CNTNAP4: variants seen among roughly 807,000 people sequenced by gnomAD.
CNTNAP4 encodes contactin associated protein family member 4, also known as contactin-associated protein-like 4.
CNTNAP4 carries 98 observed loss-of-function variants against 148.4 expected under a neutral mutation model. That is an observed-to-expected ratio of 0.66 (90% CI 0.56 to 0.78). CNTNAP4 has a LOEUF of 0.78. Among genes scored for constraint, CNTNAP4 ranks in the 30% least tolerant of loss-of-function variants. The pLI is 0.00. For synonymous variants in CNTNAP4, 730 were observed against 565.1 expected, an observed-to-expected ratio of 1.29 and a Z score of -4.14; for missense variants, 1,935 against 1,565.6, an observed-to-expected ratio of 1.24 and a Z score of -3.98.
chr16:76,364,033 T>C (rs2013777776), intron 3 of CNTNAP4, among the ~76,000 whole-genome samples: 3 of 151,896 alleles, frequency 2.0e-5, no homozygotes, highest in Admixed American at 6.6e-5. Flanking sequence ...GCCCAGGAGT[T>C]TGAGACCACC....
intron 3 of CNTNAP4, among the ~76,000 whole-genome samples, chr16:76,372,506 G>A (rs948316779): frequency 6.6e-6 from 1 of 152,080 alleles, no homozygotes; most frequent in Admixed American, 6.6e-5. Context: ...TGTTGTGGGA[G>A]GGACCCAATG....
intron 17 of CNTNAP4, among the ~76,000 whole-genome samples, chr16:76,530,912 T>A (rs2083954646): frequency 6.6e-6 from 1 of 152,148 alleles, no homozygotes; most frequent in African/African-American, 2.4e-5. Flanking sequence ...ATGCTTGACA[T>A]ATAGAAGACA....
At chr16:76,302,121 A>AGGGAAGGTAC (rs1960032316) in intron 1 of CNTNAP4, among the ~76,000 whole-genome samples, 1 of 152,140 alleles carries the variant, frequency 6.6e-6, no homozygotes, top group Non-Finnish European at 1.5e-5. Context: ...ATAAGTAGCC[A>AGGGAAGGTAC]GGGAAGGTAC....
At chr16:76,278,400 T>A (rs189268778) in intron 1 of CNTNAP4, among the ~76,000 whole-genome samples, 1 of 152,344 alleles carries the variant, frequency 6.6e-6, no homozygotes, top group Non-Finnish European at 1.5e-5. Context: ...CTTTCAAAAG[T>A]AGGATTCCTT....
chr16:76,425,309 A>G (rs374334185), intron 3 of CNTNAP4, among the ~76,000 whole-genome samples: 19 of 152,304 alleles, frequency 1.2e-4, no homozygotes, highest in African/African-American at 2.9e-4. Context: ...ACATTAGCAC[A>G]TGACATGCTC....
chr16:76,422,047 C>T (rs2079208686), intron 3 of CNTNAP4, among the ~76,000 whole-genome samples: 1 of 152,120 alleles, frequency 6.6e-6, no homozygotes, highest in Non-Finnish European at 1.5e-5. Context: ...TGCTATTATG[C>T]CTCTTCATAA....
intron 3 of CNTNAP4, among the ~76,000 whole-genome samples, chr16:76,362,724 G>A (rs920208514): frequency 6.6e-6 from 1 of 152,176 alleles, no homozygotes; most frequent in Admixed American, 6.5e-5. Flanking sequence ...ATAAAGAAGG[G>A]AAGAGTACAC....
chr16:76,348,590 G>T (rs1382487806), intron 2 of CNTNAP4, among the ~76,000 whole-genome samples: 1 of 152,170 alleles, frequency 6.6e-6, no homozygotes, highest in East Asian at 1.9e-4. Flanking sequence ...AGGTGCTTTT[G>T]TGGAAGCTAA....
At chr16:76,355,280 C>G (rs779404177) in intron 2 of CNTNAP4, 38 bp from the exon 3 acceptor site, 1 of 1,443,324 alleles carries the variant, frequency 6.9e-7, no homozygotes, top group Non-Finnish European at 9.2e-7. Context: ...ACTAACTTTC[C>G]TTTCTCAATT....
chr16:76,302,336 G>C (rs1282693947), intron 1 of CNTNAP4, among the ~76,000 whole-genome samples: 2 of 152,090 alleles, frequency 1.3e-5, no homozygotes, highest in South Asian at 4.1e-4. Flanking sequence ...TCTCATCTAA[G>C]GCTTGGGATT....
At chr16:76,543,146 AT>A (rs2144314704) in intron 21 of CNTNAP4, among the ~76,000 whole-genome samples, 1 of 152,310 alleles carries the variant, frequency 6.6e-6, no homozygotes, top group Non-Finnish European at 1.5e-5. Flanking sequence ...AAACTGAGCA[AT>A]GAACTTTATG....
chr16:76,338,059 C>T (rs1009487256), intron 2 of CNTNAP4, among the ~76,000 whole-genome samples: 1 of 152,064 alleles, frequency 6.6e-6, no homozygotes, highest in African/African-American at 2.4e-5. Flanking sequence ...TGACATACAT[C>T]CTAAGCTTAC....
At chr16:76,416,656 A>G (rs1265949849) in intron 3 of CNTNAP4, among the ~76,000 whole-genome samples, 1 of 151,474 alleles carries the variant, frequency 6.6e-6, no homozygotes, top group Non-Finnish European at 1.5e-5. Flanking sequence ...TTTATGACCG[A>G]TAATACATGG....
chr16:76,448,929 A>T lies in CNTNAP4; in HGVS notation c.905A>T (p.Asn302Ile). Reference sequence around the variant, plus strand: ...CATTTCCATGCACGGGGAGAATTCAATCTCATGAATCTTGATTATGAGGTG... The same window carrying T: ...CATTTCCATGCACGGGGAGAATTCATTCTCATGAATCTTGATTATGAGGTG... ...RHHFHARGEF[N>I]LMNLDYEISF... The change falls in exon 6 of 24, where the codon AAT becomes ATT. Residue 302 changes from asparagine to isoleucine, a missense_variant. Physicochemically the swap from Asn to Ile is moderately radical, Grantham distance 149 (BLOSUM62 -3). Coordinates refer to ENST00000611870, the MANE Select transcript of CNTNAP4 (RefSeq NM_033401.5). The T allele has an allele frequency of 3.7e-6, 6 of 1,613,582 alleles. No homozygotes were observed. Among genetic ancestry groups the T allele is most frequent in the Non-Finnish European group, 5.1e-6 (6 of 1,179,716 alleles).
chr16:76,352,841 A>C (rs1398417029), intron 2 of CNTNAP4, among the ~76,000 whole-genome samples: 1 of 152,118 alleles, frequency 6.6e-6, no homozygotes, highest in Non-Finnish European at 1.5e-5. Flanking sequence ...GGTGCTATTT[A>C]AAGTGTGCTT....
chr16:76,344,409 C>T (rs1463461441), intron 2 of CNTNAP4, among the ~76,000 whole-genome samples: 2 of 152,156 alleles, frequency 1.3e-5, no homozygotes, highest in Admixed American at 6.5e-5. Flanking sequence ...TGATAATCCA[C>T]ATACCGTTTT....
intron 1 of CNTNAP4, among the ~76,000 whole-genome samples, chr16:76,302,737 C>T (rs890055568): frequency 1.3e-5 from 2 of 152,166 alleles, no homozygotes; most frequent in African/African-American, 4.8e-5. Flanking sequence ...TCTGCCTGCA[C>T]TCGAGGGGAG....
chr16:76,433,836 C>G (rs2079705883), intron 4 of CNTNAP4, among the ~76,000 whole-genome samples: 1 of 152,068 alleles, frequency 6.6e-6, no homozygotes, highest in Non-Finnish European at 1.5e-5. Flanking sequence ...CTCAGATTAT[C>G]TATCAGCTAA....
intron 15 of CNTNAP4, among the ~76,000 whole-genome samples, chr16:76,515,077 T>C (rs2083194989): frequency 6.6e-6 from 1 of 152,260 alleles, no homozygotes; most frequent in East Asian, 1.9e-4. Flanking sequence ...CGTAAAAGGC[T>C]AAATTGATAA....
Sources: allele counts gnomAD v4.1 joint callset (sites outside exome capture counted in the v4.1 genomes callset), GRCh38; gene constraint gnomAD v4.1.1; transcripts MANE v1.5; gene names NCBI Gene and HGNC (gene_info 2026-07-23, HGNC 2026-07-21).